Variants in MLLT10 observed in about 807,000 individuals in gnomAD.
The protein encoded by MLLT10 is MLLT10 histone lysine methyltransferase DOT1L cofactor, also known as protein AF-10.
MLLT10 carries 30 observed loss-of-function variants against 129.1 expected under a neutral mutation model. That is an observed-to-expected ratio of 0.23 (90% CI 0.17 to 0.32). The LOEUF (loss-of-function observed/expected upper bound fraction) is 0.32, where lower values mean the gene tolerates loss of function less well. MLLT10 is among the 10% of genes least tolerant of loss of function. The pLI is 1.00. For synonymous variants in MLLT10, 490 were observed against 446.4 expected (o/e 1.10, Z -1.23); for missense variants, 1,119 against 1,268.3 (o/e 0.88, Z 1.79).
At chr10:21,595,707 G>C (rs990898530) in intron 5 of MLLT10, 1 of 295,572 alleles carries the variant, frequency 3.4e-6, no homozygotes, top group African/African-American at 2.1e-5. Context: ...TTACAGATTG[G>C]TGCTTTATGA....
At chr10:21,606,733 A>G (rs762776410) in intron 5 of MLLT10, among the ~76,000 whole-genome samples, 2 of 152,206 alleles carry the variant, frequency 1.3e-5, no homozygotes, top group Non-Finnish European at 2.9e-5. Context: ...TGAACAAAGA[A>G]AGTGCTTTCT....
Position 21,534,498 on chromosome 10 carries a change from A to T in MLLT10, c.-23A>T. ...GCTCCTGACTCCTGTGCGGAACGTG[A>T]GTGACTGAGCGGCAAAGCCCGAGTG... On this transcript the variant is annotated 5_prime_UTR_variant, in exon 1 of 23. Transcript: ENST00000307729. 1.4e-6 allele frequency: 1 copy of T among 691,338 alleles called. No homozygotes were observed. Among genetic ancestry groups the T allele is most frequent in the East Asian group, 3.8e-5 (1 of 26,108 alleles). 42.8% of individuals were successfully genotyped at this position (691,338 alleles called of 1,614,324 possible).
intron 15 of MLLT10, 121 bp downstream of exon 15, chr10:21,726,476 TA>T: frequency 1.7e-6 from 1 of 574,088 alleles, no homozygotes; most frequent in Non-Finnish European, 3.0e-6. Context: ...ATTTGTACTT[TA>T]AAAAAATATT....
chr10:21,644,139 A>C (rs1320207541), intron 8 of MLLT10, among the ~76,000 whole-genome samples: 1 of 151,928 alleles, frequency 6.6e-6, no homozygotes, highest in African/African-American at 2.4e-5. Context: ...GCTTTGTTTG[A>C]ACTCATGTTA....
intron 3 of MLLT10, among the ~76,000 whole-genome samples, chr10:21,567,604 G>C (rs2039732966): frequency 6.6e-6 from 1 of 152,088 alleles, no homozygotes; most frequent in Non-Finnish European, 1.5e-5. Context: ...AATTTTCTCT[G>C]ACACTACCTG....
At chr10:21,716,139 A>C (rs1254953226) in intron 14 of MLLT10, among the ~76,000 whole-genome samples, 1 of 152,252 alleles carries the variant, frequency 6.6e-6, no homozygotes, top group Non-Finnish European at 1.5e-5. Flanking sequence ...GGCAATGTGC[A>C]AAGGAAAGGA....
At chr10:21,630,896 G>A (rs2046935347) in intron 8 of MLLT10, among the ~76,000 whole-genome samples, 1 of 152,188 alleles carries the variant, frequency 6.6e-6, no homozygotes, top group African/African-American at 2.4e-5. Context: ...AGGACTGTGC[G>A]AGTTGTTCAT....
Position 21,733,765 on chromosome 10 carries a change from T to C in MLLT10, c.2497-3T>C. ...ACTTAGTTTCTCTTCTTTCTTACGCTAGGACTTAACCTCCAGTGGACAAAG... is the reference window on the plus strand; with the variant it reads ...ACTTAGTTTCTCTTCTTTCTTACGCCAGGACTTAACCTCCAGTGGACAAAG... On this transcript the variant is annotated splice_polypyrimidine_tract_variant and splice_region_variant and intron_variant, in intron 19 of 22. Transcript: ENST00000307729. 1 of 1,607,638 alleles carries C rather than the reference T, an allele frequency of 6.2e-7. No individual in the cohort carries two copies. The highest frequency in any genetic ancestry group is 8.5e-7 in the Non-Finnish European group (1 of 1,176,626).
intron 8 of MLLT10, among the ~76,000 whole-genome samples, chr10:21,635,887 A>G (rs1191966609): frequency 2.0e-5 from 3 of 149,348 alleles, no homozygotes; most frequent in East Asian, 2.0e-4. Flanking sequence ...TGGCTCCCCA[A>G]AGTACTGGGA....
chr10:21,563,126 C>T (rs182338279), intron 3 of MLLT10, among the ~76,000 whole-genome samples: 2 of 152,274 alleles, frequency 1.3e-5, no homozygotes, highest in African/African-American at 4.8e-5. Flanking sequence ...ATAGCCACAC[C>T]TGCTTTCCTC....
intron 21 of MLLT10, 100 bp downstream of exon 21, chr10:21,735,335 G>A: frequency 1.9e-6 from 2 of 1,035,576 alleles, no homozygotes; most frequent in Non-Finnish European, 1.4e-6. Context: ...TAACATTATT[G>A]AATGCATAAT....
intron 3 of MLLT10, among the ~76,000 whole-genome samples, chr10:21,547,688 G>A (rs1409958220): frequency 6.6e-6 from 1 of 151,696 alleles, no homozygotes; most frequent in East Asian, 1.9e-4. Context: ...ACAGGCACAT[G>A]CCACCTTGTC....
At chr10:21,540,543 A>C (rs532762781) in intron 3 of MLLT10, among the ~76,000 whole-genome samples, 2 of 152,210 alleles carry the variant, frequency 1.3e-5, no homozygotes, top group East Asian at 3.9e-4. Flanking sequence ...AGACTGTCTC[A>C]CAAAAAACAC....
At chr10:21,656,835 G>GC (rs2049637932) in intron 9 of MLLT10, among the ~76,000 whole-genome samples, 1 of 152,158 alleles carries the variant, frequency 6.6e-6, no homozygotes, top group East Asian at 1.9e-4. Context: ...AAGTGTAAGT[G>GC]TCTTTTCCAG....
At chr10:21,628,424 GCTCT>G (rs971137984) in intron 8 of MLLT10, among the ~76,000 whole-genome samples, 7 of 148,212 alleles carry the variant, frequency 4.7e-5, no homozygotes, top group Non-Finnish European at 1.0e-4. Context: ...GCTGAAGGAT[GCTCT>G]CTCTTTTTTT....
intron 3 of MLLT10, among the ~76,000 whole-genome samples, chr10:21,575,013 A>C (rs1047186660): frequency 6.6e-6 from 1 of 152,120 alleles, no homozygotes; most frequent in African/African-American, 2.4e-5. Context: ...TTCAAGATAG[A>C]GGCATTCTGG....
chr10:21,669,959 T>C (rs2051218127), intron 9 of MLLT10, among the ~76,000 whole-genome samples: 1 of 152,198 alleles, frequency 6.6e-6, no homozygotes, highest in South Asian at 2.1e-4. Context: ...CTGGTTTCCT[T>C]CAAAAGTTTT....
chr10:21,589,381 C>T (rs988897743), intron 4 of MLLT10, among the ~76,000 whole-genome samples: 1 of 145,416 alleles, frequency 6.9e-6, no homozygotes, highest in Non-Finnish European at 1.5e-5. Context: ...GGCTGAATTA[C>T]AAGTAGCAGG....
intron 6 of MLLT10, among the ~76,000 whole-genome samples, chr10:21,614,439 T>A (rs1051654252): frequency 2.6e-5 from 4 of 152,154 alleles, no homozygotes; most frequent in African/African-American, 9.7e-5. Flanking sequence ...ACTTCGGCCC[T>A]TTAGAGGCAT....
Sources: gnomAD v4.1 joint callset for allele counts (sites outside exome capture counted in the v4.1 genomes callset) on GRCh38, gnomAD v4.1.1 for gene constraint, MANE v1.5 for transcripts, NCBI Gene and HGNC (gene_info 2026-07-23, HGNC 2026-07-21) for gene names.